SIL1: variants seen among roughly 807,000 people sequenced by gnomAD.
The protein encoded by SIL1 is SIL1 nucleotide exchange factor.
In SIL1, 40 loss-of-function variants were observed where a neutral mutation model predicts 49.1. That is an observed-to-expected ratio of 0.81 (90% CI 0.63 to 1.06). The LOEUF is 1.06. Ranked by LOEUF, SIL1 falls within the 50% of genes least tolerant of loss-of-function variation. The pLI, the probability that SIL1 is intolerant of heterozygous loss-of-function variation, is 0.00. For synonymous variants in SIL1, 253 were observed against 250.8 expected, an observed-to-expected ratio of 1.01 and a Z score of -0.08; for missense variants, 500 against 572.6, an observed-to-expected ratio of 0.87 and a Z score of 1.29.
At chr5:139,052,768 C>A (rs755221378) in intron 3 of SIL1, among the ~76,000 whole-genome samples, 3 of 151,968 alleles carry the variant, frequency 2.0e-5, no homozygotes, top group African/African-American at 7.3e-5. Context: ...AAGAAAAAAG[C>A]GAGTCCCAGA....
At chr5:139,010,452 TTC>T (rs1304738196) in intron 7 of SIL1, among the ~76,000 whole-genome samples, 1 of 152,148 alleles carries the variant, frequency 6.6e-6, no homozygotes, top group African/African-American at 2.4e-5. Context: ...TGAAGCCTTC[TTC>T]TCTCAGCTCG....
chr5:139,032,303 T>G (rs2150437490), intron 5 of SIL1, among the ~76,000 whole-genome samples: 1 of 152,368 alleles, frequency 6.6e-6, no homozygotes, highest in African/African-American at 2.4e-5. Context: ...ATGCTCTTTG[T>G]GTATTAACTG....
intron 3 of SIL1, among the ~76,000 whole-genome samples, chr5:139,103,963 C>G (rs1157461550): frequency 6.6e-6 from 1 of 152,172 alleles, no homozygotes; most frequent in Non-Finnish European, 1.5e-5. Flanking sequence ...GAAGGAGAGC[C>G]CACAAAGGCC....
At chr5:139,044,582 G>C (rs1398099254) in intron 4 of SIL1, among the ~76,000 whole-genome samples, 1 of 152,112 alleles carries the variant, frequency 6.6e-6, no homozygotes, top group Non-Finnish European at 1.5e-5. Flanking sequence ...CCCATGATCA[G>C]CTCTACAAGC....
At chr5:139,149,660 G>C (rs1466866917) in intron 1 of SIL1, among the ~76,000 whole-genome samples, 1 of 152,212 alleles carries the variant, frequency 6.6e-6, no homozygotes, top group Admixed American at 6.5e-5. Flanking sequence ...GATGGGGTCA[G>C]GGAGGACTTC....
chr5:139,171,628 C>T (rs1334464616), intron 1 of SIL1, among the ~76,000 whole-genome samples: 2 of 151,766 alleles, frequency 1.3e-5, no homozygotes, highest in African/African-American at 2.4e-5. Context: ...TATCTGCTGA[C>T]CTTCCCTCCA....
intron 3 of SIL1, among the ~76,000 whole-genome samples, chr5:139,095,289 C>T (rs1356412708): frequency 1.5e-5 from 2 of 135,046 alleles, no homozygotes; most frequent in African/African-American, 2.9e-5. Flanking sequence ...TTTTTGAGAG[C>T]ATCTCACTCT....
intron 3 of SIL1, among the ~76,000 whole-genome samples, chr5:139,058,952 G>T (rs1769520556): frequency 6.8e-6 from 1 of 147,534 alleles, no homozygotes; most frequent in African/African-American, 2.5e-5. Flanking sequence ...CTCTCAGTAG[G>T]CGGAGCTAGA....
chr5:138,962,978 G>A (rs572469958), intron 7 of SIL1, among the ~76,000 whole-genome samples: 1 of 152,318 alleles, frequency 6.6e-6, no homozygotes, highest in East Asian at 1.9e-4. Flanking sequence ...GGCAGTCTGA[G>A]GGAGGCAAGG....
chr5:139,107,454 T>C (rs2151785864), intron 3 of SIL1, among the ~76,000 whole-genome samples: 1 of 152,376 alleles, frequency 6.6e-6, no homozygotes, highest in African/African-American at 2.4e-5. Flanking sequence ...TTTCCTGCTA[T>C]TAACGTCTTA....
intron 3 of SIL1, among the ~76,000 whole-genome samples, chr5:139,062,201 C>G (rs572015864): frequency 2.4e-4 from 37 of 152,218 alleles, no homozygotes; most frequent in African/African-American, 8.4e-4. Context: ...TGAAACAACA[C>G]TTAATGTTAT....
At chr5:139,168,727 T>C (rs1171539742) in intron 1 of SIL1, among the ~76,000 whole-genome samples, 1 of 151,990 alleles carries the variant, frequency 6.6e-6, no homozygotes, top group East Asian at 1.9e-4. Flanking sequence ...AATCCCAGTA[T>C]AGGAGGCCAA....
Position 139,019,524 on chromosome 5 carries a change from T to C in SIL1, c.767+1647A>G, listed in dbSNP as rs531028466. Among the ~76,000 whole-genome samples the C allele has an allele frequency of 4.6e-5, 7 of 152,326 alleles. No homozygotes were observed. The East Asian group carries it at 1.4e-3, about 29-fold the overall frequency. ...ACTAAATTGCAATATTTTATATTTA[T>C]CTCTATTTAAATTTTAGTTGATGCT... On this transcript the variant is annotated intron_variant, in intron 7 of 9. Transcript: ENST00000394817.
chr5:138,967,068 A>T (rs1336539361), intron 7 of SIL1, among the ~76,000 whole-genome samples: 7 of 152,196 alleles, frequency 4.6e-5, no homozygotes, highest in African/African-American at 1.4e-4. Context: ...CCCTGGCAAC[A>T]TCCTCCATCG....
At chr5:138,993,305 C>T (rs1767796041) in intron 7 of SIL1, among the ~76,000 whole-genome samples, 1 of 152,096 alleles carries the variant, frequency 6.6e-6, no homozygotes, top group South Asian at 2.1e-4. Context: ...TAGTGTGACT[C>T]GAAGGAACTC....
intron 1 of SIL1, chr5:139,187,961 C>T (rs1232433705): frequency 6.5e-6 from 1 of 152,860 alleles, no homozygotes; most frequent in Non-Finnish European, 1.5e-5. Flanking sequence ...CTCTCTTTCT[C>T]CTGCTCCAGA....
intron 2 of SIL1, among the ~76,000 whole-genome samples, chr5:139,123,887 T>C (rs1446560276): frequency 2.6e-5 from 4 of 152,212 alleles, no homozygotes; most frequent in Admixed American, 2.0e-4. Flanking sequence ...AACTAAAATA[T>C]CTAAGCATCA....
At chr5:139,026,671 C>T in intron 6 of SIL1, 130 bp downstream of exon 6, 1 of 868,328 alleles carries the variant, frequency 1.2e-6, no homozygotes, top group Non-Finnish European at 1.9e-6. Flanking sequence ...GATAACAAGA[C>T]TAGATTAAAA....
intron 3 of SIL1, among the ~76,000 whole-genome samples, chr5:139,117,445 T>C (rs1490685851): frequency 6.6e-6 from 1 of 152,154 alleles, no homozygotes; most frequent in Non-Finnish European, 1.5e-5. Context: ...GTTACCTATA[T>C]CTCTGGCTAT....
Sources: allele counts gnomAD v4.1 joint callset (sites outside exome capture counted in the v4.1 genomes callset), GRCh38; gene constraint gnomAD v4.1.1; transcripts MANE v1.5; gene names NCBI Gene and HGNC (gene_info 2026-07-23, HGNC 2026-07-21).